Variants in CCDC7 observed in about 807,000 individuals in gnomAD.
CCDC7 encodes coiled-coil domain containing 7.
In CCDC7, 183 loss-of-function variants were observed where a neutral mutation model predicts 196.9. The observed-to-expected ratio is 0.93, with a 90% CI of 0.82 to 1.05. The LOEUF (loss-of-function observed/expected upper bound fraction) is 1.05, where lower values mean the gene tolerates loss of function less well. CCDC7 is among the 50% of genes least tolerant of loss of function. The pLI is 0.00. For synonymous variants in CCDC7, 525 were observed against 484.6 expected (o/e 1.08, Z -1.10); for missense variants, 1,540 against 1,482.2 (o/e 1.04, Z -0.64).
intron 29 of CCDC7, among the ~76,000 whole-genome samples, chr10:32,789,912 G>A (rs746816589): frequency 2.6e-5 from 4 of 152,216 alleles, no homozygotes; most frequent in Non-Finnish European, 4.4e-5. Context: ...CTGGCTCCAA[G>A]TAAGTCCAAA....
Position 32,875,009 on chromosome 10 carries a change from G to T in CCDC7, c.4112-1338G>T, listed in dbSNP as rs2094558816. ...AGGGATCCAGTTTCATTCTCTACAT[G>T]TGGCTATCAAATTTTCCCAGCATCA... is the stretch of plus-strand genomic sequence containing the variant. On this transcript the variant is annotated intron_variant, in intron 41 of 41. Coordinates refer to ENST00000639629, the Ensembl canonical transcript of CCDC7. Among the ~76,000 whole-genome samples, 5 of 151,972 alleles carry T rather than the reference G, an allele frequency of 3.3e-5. 1 individual carries two copies. The South Asian group carries it at 1.0e-3, about 32-fold the overall frequency.
intron 29 of CCDC7, among the ~76,000 whole-genome samples, chr10:32,803,038 T>C (rs1189035782): frequency 6.6e-6 from 1 of 152,224 alleles, no homozygotes; most frequent in Non-Finnish European, 1.5e-5. Flanking sequence ...TCCAATCACA[T>C]TGATACCTTG....
chr10:32,620,353 A>G (rs1280648210), intron 18 of CCDC7, among the ~76,000 whole-genome samples: 5 of 152,196 alleles, frequency 3.3e-5, no homozygotes, highest in Admixed American at 2.6e-4. Flanking sequence ...CCTGTTTTAT[A>G]GCGTGATAAT....
intron 11 of CCDC7, among the ~76,000 whole-genome samples, chr10:32,535,392 A>G (rs2050309031): frequency 6.6e-6 from 1 of 152,116 alleles, no homozygotes; most frequent in Non-Finnish European, 1.5e-5. Context: ...CAATTGGGTT[A>G]CAGTTTGGTT....
intron 32 of CCDC7, among the ~76,000 whole-genome samples, chr10:32,828,466 AG>A (rs879367989): frequency 1.5e-5 from 1 of 64,522 alleles, no homozygotes; most frequent in African/African-American, 4.6e-5. Context: ...GAAGAAGAAG[AG>A]GAAGAGGAAG....
At chr10:32,649,632 CCT>C (rs547703380) in intron 20 of CCDC7, among the ~76,000 whole-genome samples, 130 of 152,280 alleles carry the variant, frequency 8.5e-4, no homozygotes, top group African/African-American at 2.8e-3. Context: ...TGCTTATTCT[CCT>C]CTCTCAGGAA....
At chr10:32,677,115 A>G (rs2075119369) in intron 21 of CCDC7, among the ~76,000 whole-genome samples, 1 of 150,626 alleles carries the variant, frequency 6.6e-6, no homozygotes, top group Non-Finnish European at 1.5e-5. Context: ...TATTGCAAGG[A>G]CAAAAAACCA....
chr10:32,876,640 G>T (rs1023015744), downstream of CCDC7: 1 of 340,214 alleles, frequency 2.9e-6, no homozygotes, highest in Admixed American at 4.7e-5. Flanking sequence ...AAGAAGTTAT[G>T]CAATTATCTT....
intron 13 of CCDC7, among the ~76,000 whole-genome samples, chr10:32,549,686 T>A (rs979345541): frequency 1.3e-5 from 2 of 152,260 alleles, no homozygotes; most frequent in Non-Finnish European, 2.9e-5. Flanking sequence ...TTCCCCACTT[T>A]ATGTTTTTGT....
intron 11 of CCDC7, among the ~76,000 whole-genome samples, chr10:32,519,165 T>G (rs890576355): frequency 6.6e-6 from 1 of 152,264 alleles, no homozygotes; most frequent in South Asian, 2.1e-4. Flanking sequence ...GTGTCAAATA[T>G]AAGATCAGGG....
intron 24 of CCDC7, among the ~76,000 whole-genome samples, chr10:32,698,480 T>C (rs2078097917): frequency 6.6e-6 from 1 of 152,034 alleles, no homozygotes; most frequent in Non-Finnish European, 1.5e-5. Flanking sequence ...ACTGGCTAAC[T>C]AGAATAAACA....
At chr10:32,582,132 A>G (rs1413856607) in intron 16 of CCDC7, among the ~76,000 whole-genome samples, 1 of 98,272 alleles carries the variant, frequency 1.0e-5, no homozygotes, top group African/African-American at 3.1e-5. Context: ...ATATATATAT[A>G]TATATATACT....
intron 5 of CCDC7, among the ~76,000 whole-genome samples, chr10:32,465,998 C>G (rs1458994967): frequency 6.6e-6 from 1 of 152,140 alleles, no homozygotes; most frequent in Non-Finnish European, 1.5e-5. Flanking sequence ...AAATAACTGT[C>G]AGATGTGTCC....
chr10:32,747,612 C>G (rs2075002594), intron 28 of CCDC7, among the ~76,000 whole-genome samples: 4 of 152,120 alleles, frequency 2.6e-5, no homozygotes, highest in Admixed American at 2.6e-4. Flanking sequence ...GAAAAAAATG[C>G]TTAACATCTC....
At chr10:32,681,109 T>C (rs1259703722) in intron 21 of CCDC7, among the ~76,000 whole-genome samples, 1 of 152,200 alleles carries the variant, frequency 6.6e-6, no homozygotes, top group African/African-American at 2.4e-5. Context: ...AAGCCTTTGC[T>C]CAGATTTTCC....
At chr10:32,493,070 C>A (rs1030874363) in intron 9 of CCDC7, among the ~76,000 whole-genome samples, 1 of 150,930 alleles carries the variant, frequency 6.6e-6, no homozygotes, top group African/African-American at 2.4e-5. Flanking sequence ...ACATACATAT[C>A]TTTTTTTTTC....
At chr10:32,500,914 C>T (rs967115410) in intron 9 of CCDC7, among the ~76,000 whole-genome samples, 22 of 152,264 alleles carry the variant, frequency 1.4e-4, no homozygotes, top group African/African-American at 5.3e-4. Context: ...GGCGTGGCGG[C>T]GCGTGCCTGC....
intron 18 of CCDC7, among the ~76,000 whole-genome samples, chr10:32,596,648 A>G (rs1229898345): frequency 6.6e-6 from 1 of 152,130 alleles, no homozygotes; most frequent in Non-Finnish European, 1.5e-5. Flanking sequence ...ACAATTTGGC[A>G]TGTTTTTGCA....
intron 18 of CCDC7, among the ~76,000 whole-genome samples, chr10:32,610,684 G>A (rs573891388): frequency 6.6e-6 from 1 of 152,216 alleles, no homozygotes; most frequent in Non-Finnish European, 1.5e-5. Context: ...TTGGTTTTCT[G>A]TTCCTGTGTT....
Sources: gnomAD v4.1 joint callset for allele counts (sites outside exome capture counted in the v4.1 genomes callset) on GRCh38, gnomAD v4.1.1 for gene constraint, MANE v1.5 for transcripts, NCBI Gene and HGNC (gene_info 2026-07-23, HGNC 2026-07-21) for gene names.